CNOT6L: variants seen among roughly 807,000 people sequenced by gnomAD.
The protein encoded by CNOT6L is CCR4-NOT transcription complex subunit 6-like.
Under a neutral mutation model 64.0 loss-of-function variants are expected in CNOT6L, and 7 were observed. That is an observed-to-expected ratio of 0.11 (90% CI 0.06 to 0.21). CNOT6L has a LOEUF of 0.21. Ranked by LOEUF, CNOT6L falls within the 10% of genes least tolerant of loss-of-function variation. The pLI is 1.00. For synonymous variants in CNOT6L, 193 were observed against 243.4 expected (o/e 0.79, Z 1.93); for missense variants, 245 against 669.0 (o/e 0.37, Z 6.99).
chr4:77,764,175 T>C (rs1397957388), intron 4 of CNOT6L, among the ~76,000 whole-genome samples: 1 of 152,150 alleles, frequency 6.6e-6, no homozygotes, highest in Non-Finnish European at 1.5e-5. Flanking sequence ...TAATATGGAA[T>C]TAAAGGCATA....
intron 1 of CNOT6L, among the ~76,000 whole-genome samples, chr4:77,789,048 A>G (rs1045231790): frequency 9.2e-5 from 14 of 152,284 alleles, no homozygotes; most frequent in African/African-American, 3.4e-4. Flanking sequence ...CAATGAAGAT[A>G]ATGTTTTCAA....
chr4:77,714,414 G>C lies in CNOT6L; in HGVS notation c.*6017C>G, dbSNP rs1222298135. Reference sequence around the variant, plus strand: ...ACCAACACCCTGGCCCTTATAGAGAGAAAAAGTACATACACACTCTCTTTA... The same window carrying C: ...ACCAACACCCTGGCCCTTATAGAGACAAAAAGTACATACACACTCTCTTTA... On this transcript the variant is annotated 3_prime_UTR_variant, in exon 12 of 12. Transcript: ENST00000504123. 1.8e-5 allele frequency: 2 copies of C among 108,904 alleles called. No homozygotes were observed. Among genetic ancestry groups the C allele is most frequent in the Non-Finnish European group, 1.8e-5 (1 of 54,938 alleles). The allele number at this position is 108,904 out of a possible 1,614,324, so 6.7% of individuals were successfully genotyped here.
intron 1 of CNOT6L, among the ~76,000 whole-genome samples, chr4:77,790,961 C>A (rs1730079956): frequency 6.6e-6 from 1 of 151,496 alleles, no homozygotes; most frequent in Non-Finnish European, 1.5e-5. Flanking sequence ...CTGTGCCCAG[C>A]CAAAACTTTC....
At chr4:77,763,976 G>C (rs371751190) in intron 4 of CNOT6L, among the ~76,000 whole-genome samples, 13 of 152,134 alleles carry the variant, frequency 8.5e-5, no homozygotes, top group East Asian at 5.8e-4. Context: ...CAACAAAAAA[G>C]TAGCCAAACA....
upstream of CNOT6L, among the ~76,000 whole-genome samples, chr4:77,820,171 G>C (rs989962615): frequency 6.6e-6 from 1 of 152,170 alleles, no homozygotes; most frequent in Non-Finnish European, 1.5e-5. Context: ...AGGGCCGGGG[G>C]AGAGGCGTCC....
At chr4:77,790,315 A>C (rs1173030550) in intron 1 of CNOT6L, among the ~76,000 whole-genome samples, 1 of 152,198 alleles carries the variant, frequency 6.6e-6, no homozygotes, top group Non-Finnish European at 1.5e-5. Flanking sequence ...CACCTACTGA[A>C]GGACATCTGG....
At chr4:77,795,835 AC>A (rs1730774734) in intron 1 of CNOT6L, among the ~76,000 whole-genome samples, 2 of 152,338 alleles carry the variant, frequency 1.3e-5, no homozygotes, top group South Asian at 4.1e-4. Flanking sequence ...AAATTAAAGA[AC>A]TAAATAAATG....
intron 5 of CNOT6L, among the ~76,000 whole-genome samples, chr4:77,749,533 C>A (rs1724612022): frequency 6.6e-6 from 1 of 152,112 alleles, no homozygotes; most frequent in Admixed American, 6.5e-5. Flanking sequence ...CCAGAAACTT[C>A]TAAAATAAAA....
At chr4:77,758,991 G>A (rs1255760833) in intron 4 of CNOT6L, among the ~76,000 whole-genome samples, 2 of 151,852 alleles carry the variant, frequency 1.3e-5, no homozygotes, top group Non-Finnish European at 2.9e-5. Flanking sequence ...CCTAATTACA[G>A]GACTATAGGG....
chr4:77,810,680 C>G (rs1347513797), intron 1 of CNOT6L, among the ~76,000 whole-genome samples: 2 of 152,064 alleles, frequency 1.3e-5, no homozygotes, highest in Non-Finnish European at 2.9e-5. Flanking sequence ...CTATTTGAAA[C>G]TACATAATAA....
intron 11 of CNOT6L, among the ~76,000 whole-genome samples, chr4:77,725,307 G>C (rs1721724401): frequency 6.6e-6 from 1 of 152,036 alleles, no homozygotes; most frequent in Non-Finnish European, 1.5e-5. Context: ...AATTTCCTTT[G>C]GTATTTTATT....
chr4:77,783,618 T>C (rs1729130208), intron 1 of CNOT6L, among the ~76,000 whole-genome samples: 1 of 152,052 alleles, frequency 6.6e-6, no homozygotes, highest in South Asian at 2.1e-4. Flanking sequence ...CAAGAATAGG[T>C]GGAGAGAACA....
At chr4:77,758,007 AT>A (rs937234103) in intron 4 of CNOT6L, among the ~76,000 whole-genome samples, 2 of 152,036 alleles carry the variant, frequency 1.3e-5, no homozygotes, top group Non-Finnish European at 1.5e-5. Context: ...GCCTAAACAA[AT>A]TTTTTTAATG....
intron 10 of CNOT6L, among the ~76,000 whole-genome samples, chr4:77,727,689 A>G (rs2109877925): frequency 6.6e-6 from 1 of 152,156 alleles, no homozygotes; most frequent in Admixed American, 6.5e-5. Flanking sequence ...TCATTTCACT[A>G]TGTTGTGTTG....
At chr4:77,757,836 G>A (rs1271148751) in intron 4 of CNOT6L, among the ~76,000 whole-genome samples, 2 of 152,026 alleles carry the variant, frequency 1.3e-5, no homozygotes, top group Non-Finnish European at 2.9e-5. Context: ...AGCAGATGGG[G>A]ACTACAAGTG....
At chr4:77,774,502 G>A (rs1298471458) in intron 3 of CNOT6L, 28 bp downstream of exon 3, 3 of 1,532,580 alleles carry the variant, frequency 2.0e-6, no homozygotes, top group Non-Finnish European at 1.8e-6. Context: ...ATTTTATATA[G>A]TGAGTCATGT....
intron 5 of CNOT6L, among the ~76,000 whole-genome samples, chr4:77,750,944 A>G (rs1255308605): frequency 2.0e-5 from 3 of 152,224 alleles, no homozygotes; most frequent in African/African-American, 7.2e-5. Flanking sequence ...GAAATCACAG[A>G]TTTAAAAAGC....
At chr4:77,748,549 T>A (rs1208007765) in intron 5 of CNOT6L, among the ~76,000 whole-genome samples, 165 bp from the exon 6 acceptor site, 4 of 152,124 alleles carry the variant, frequency 2.6e-5, no homozygotes, top group Non-Finnish European at 4.4e-5. Context: ...AAAGGAAATT[T>A]CAGAAAAGCT....
chr4:77,735,115 A>G (rs1430142683), intron 8 of CNOT6L, among the ~76,000 whole-genome samples: 1 of 152,176 alleles, frequency 6.6e-6, no homozygotes, highest in African/African-American at 2.4e-5. Context: ...ATCGAAAGCA[A>G]AAGTTAAAAG....
Sources: allele counts gnomAD v4.1 joint callset (sites outside exome capture counted in the v4.1 genomes callset), GRCh38; gene constraint gnomAD v4.1.1; transcripts MANE v1.5; gene names NCBI Gene and HGNC (gene_info 2026-07-23, HGNC 2026-07-21).